Variants in AGTPBP1 observed in about 807,000 individuals in gnomAD.
AGTPBP1 encodes ATP/GTP binding carboxypeptidase 1.
A neutral mutation model predicts 143.9 loss-of-function variants in AGTPBP1; 70 were observed. The ratio of observed to expected loss-of-function variants is 0.49; its 90% confidence interval spans 0.40 to 0.59. AGTPBP1 has a LOEUF of 0.59. Ranked by LOEUF, AGTPBP1 falls within the 20% of genes least tolerant of loss-of-function variation. The pLI, the probability that AGTPBP1 is intolerant of heterozygous loss-of-function variation, is 0.00. For missense variants in AGTPBP1, 1,229 were observed against 1,464.5 expected (o/e 0.84, Z 2.62); for synonymous variants, 463 against 500.2 (o/e 0.93, Z 0.99).
chr9:85,703,905 G>C (rs79957237), intron 2 of AGTPBP1, among the ~76,000 whole-genome samples: 4,834 of 152,230 alleles, frequency 0.032, 101 homozygotes, highest in African/African-American at 0.053. Context: ...GAAGTGGGAA[G>C]AAAAACAAGA....
chr9:85,799,098 T>C, the AGTPBP1 span, among the ~76,000 whole-genome samples: 9 of 152,174 alleles, frequency 5.9e-5, no homozygotes, highest in African/African-American at 1.9e-4. Context: ...TTTCTGTCCT[T>C]GTGATAGTTT....
At chr9:85,697,742 G>A (rs1288608175) in intron 2 of AGTPBP1, among the ~76,000 whole-genome samples, 1 of 152,124 alleles carries the variant, frequency 6.6e-6, no homozygotes, top group Non-Finnish European at 1.5e-5. Flanking sequence ...GTGAGCCACT[G>A]CGCCCAGCCC....
the AGTPBP1 span, chr9:85,770,541 C>T: frequency 1.1e-6 from 1 of 917,580 alleles, no homozygotes; most frequent in South Asian, 1.5e-5. Flanking sequence ...GGTCAAGATG[C>T]ATACATCCTA....
At chr9:85,803,326 C>T in the AGTPBP1 span, among the ~76,000 whole-genome samples, 24 of 152,222 alleles carry the variant, frequency 1.6e-4, no homozygotes, top group African/African-American at 5.8e-4. Context: ...AGCAACACTC[C>T]TTCCAGCCCC....
intron 1 of AGTPBP1, among the ~76,000 whole-genome samples, chr9:85,726,002 G>C (rs1838453919): frequency 7.2e-6 from 1 of 139,576 alleles, no homozygotes; most frequent in African/African-American, 2.7e-5. Flanking sequence ...TTTGCAGTGA[G>C]CCAAGATCAT....
intron 1 of AGTPBP1, among the ~76,000 whole-genome samples, chr9:85,722,729 C>A (rs1838212561): frequency 6.6e-6 from 1 of 152,214 alleles, no homozygotes; most frequent in South Asian, 2.1e-4. Flanking sequence ...TGAGGAACTG[C>A]AATCCTTTGG....
chr9:85,801,711 G>A, the AGTPBP1 span, among the ~76,000 whole-genome samples: 32 of 152,186 alleles, frequency 2.1e-4, no homozygotes, highest in Middle Eastern at 3.4e-3. Flanking sequence ...TCTCACTTTA[G>A]CAACATAAAA....
chr9:85,561,661 G>A lies in AGTPBP1; in HGVS notation c.3503+13654C>T, dbSNP rs528204181. On this transcript the variant is annotated intron_variant, in intron 25 of 25. Transcript: ENST00000357081. ...ATGAAGAGAAAAAAGAGCAGGGGGT[G>A]GAATGCGTGGTGAGAGCTAATGACT... 9.2e-5 allele frequency among the ~76,000 whole-genome samples: 14 copies of A among 152,112 alleles called. 1 individual carries two copies. In the South Asian group the frequency reaches 1.5e-3, roughly 16 times the overall value.
intron 18 of AGTPBP1, 60 bp downstream of exon 18, chr9:85,596,302 G>A: frequency 1.8e-6 from 2 of 1,134,448 alleles, no homozygotes; most frequent in South Asian, 2.8e-5. Flanking sequence ...ACTGAAACAG[G>A]ATGTACTTAA....
chr9:85,572,004 GTTTTTTTTTTTTTTTTTTTTTTT>G (rs55882437), intron 25 of AGTPBP1, among the ~76,000 whole-genome samples: 26 of 43,494 alleles, frequency 6.0e-4, no homozygotes, highest in South Asian at 3.7e-3. Flanking sequence ...GTTTGTGTGT[GTTTTTTTTTTTTTTTTTTTTTTT>G]TTTTTTTTTT....
At chr9:85,666,554 C>T (rs1476104336) in intron 8 of AGTPBP1, among the ~76,000 whole-genome samples, 1 of 151,844 alleles carries the variant, frequency 6.6e-6, no homozygotes, top group Non-Finnish European at 1.5e-5. Context: ...ATTATTTTTC[C>T]TTTTTAAAGT....
At chr9:85,734,007 A>T (rs1839056941) in intron 1 of AGTPBP1, among the ~76,000 whole-genome samples, 1 of 152,188 alleles carries the variant, frequency 6.6e-6, no homozygotes, top group Non-Finnish European at 1.5e-5. Context: ...TAATCCCAGC[A>T]CTTTGGGAGG....
the AGTPBP1 span, among the ~76,000 whole-genome samples, chr9:85,758,370 C>T: frequency 3.9e-5 from 6 of 152,184 alleles, no homozygotes; most frequent in East Asian, 1.9e-4. Flanking sequence ...ATAGGCAGGG[C>T]GCGGTGGCTC....
intron 7 of AGTPBP1, among the ~76,000 whole-genome samples, chr9:85,671,590 T>C (rs1187494847): frequency 6.6e-6 from 1 of 152,174 alleles, no homozygotes; most frequent in Non-Finnish European, 1.5e-5. Flanking sequence ...TCTAGCACTC[T>C]ATCATTATTT....
the AGTPBP1 span, among the ~76,000 whole-genome samples, chr9:85,769,520 C>CAAAAAAAAAAAA: frequency 1.6e-5 from 1 of 60,886 alleles, no homozygotes; most frequent in African/African-American, 4.2e-5. Context: ...ACCCTGTGTC[C>CAAAAAAAAAAAA]AAAAAAAAAA....
At chr9:85,779,722 TG>T in the AGTPBP1 span, among the ~76,000 whole-genome samples, 1 of 152,120 alleles carries the variant, frequency 6.6e-6, no homozygotes, top group Admixed American at 6.5e-5. Context: ...AAGCCGGGCA[TG>T]GTGGCATGTG....
At chr9:85,642,550 T>C (rs903660191) in intron 13 of AGTPBP1, among the ~76,000 whole-genome samples, 3 of 151,816 alleles carry the variant, frequency 2.0e-5, no homozygotes, top group Admixed American at 2.0e-4. Flanking sequence ...GCCAGGATGA[T>C]CTTGATCTCC....
chr9:85,685,529 T>C (rs1259031666), intron 3 of AGTPBP1, among the ~76,000 whole-genome samples: 1 of 151,866 alleles, frequency 6.6e-6, no homozygotes, highest in Non-Finnish European at 1.5e-5. Context: ...ACCAGAATTC[T>C]ATATCCAGTA....
chr9:85,552,280 G>T (rs957353819), intron 25 of AGTPBP1, among the ~76,000 whole-genome samples: 8 of 152,070 alleles, frequency 5.3e-5, no homozygotes, highest in African/African-American at 1.7e-4. Flanking sequence ...TTTCTGAAGA[G>T]AACAAAAAAT....
Sources: gnomAD v4.1 joint callset for allele counts (sites outside exome capture counted in the v4.1 genomes callset) on GRCh38, gnomAD v4.1.1 for gene constraint, MANE v1.5 for transcripts, NCBI Gene and HGNC (gene_info 2026-07-23, HGNC 2026-07-21) for gene names.